The following RAI14 variants were observed in gnomAD, a reference collection of about 807,000 sequenced individuals.
The protein encoded by RAI14 is ankycorbin.
In RAI14, 45 loss-of-function variants were observed where a neutral mutation model predicts 115.4. The ratio of observed to expected loss-of-function variants is 0.39; its 90% confidence interval spans 0.31 to 0.50. The LOEUF is 0.50. Among genes scored for constraint, RAI14 ranks in the 20% least tolerant of loss-of-function variants. The pLI, the probability that RAI14 is intolerant of heterozygous loss-of-function variation, is 0.85. For missense variants in RAI14, 939 were observed against 1,131.2 expected (o/e 0.83, Z 2.44); for synonymous variants, 371 against 415.4 (o/e 0.89, Z 1.30).
chr5:34,806,753 A>AT, intron 5 of RAI14, among the ~76,000 whole-genome samples: 1 of 152,018 alleles, frequency 6.6e-6, no homozygotes. Flanking sequence ...GAAGCCAGAG[A>AT]TTTTGGCTGG....
chr5:34,746,356 C>A (rs1476401440), intron 2 of RAI14, among the ~76,000 whole-genome samples: 1 of 150,940 alleles, frequency 6.6e-6, no homozygotes, highest in Non-Finnish European at 1.5e-5. Context: ...CTGCCTGCCT[C>A]AGCCTCCCAA....
chr5:34,708,207 G>GTT (rs953677214), intron 2 of RAI14, among the ~76,000 whole-genome samples: 4 of 144,468 alleles, frequency 2.8e-5, no homozygotes, highest in Non-Finnish European at 6.1e-5. Context: ...TTGGGTTTTT[G>GTT]TTTTTTTTTT....
At chr5:34,724,509 C>T (rs1329922555) in intron 2 of RAI14, among the ~76,000 whole-genome samples, 1 of 152,068 alleles carries the variant, frequency 6.6e-6, no homozygotes, top group South Asian at 2.1e-4. Flanking sequence ...CTCCCCATGG[C>T]GTGACAGGAA....
chr5:34,777,916 A>G (rs996398657), intron 3 of RAI14, among the ~76,000 whole-genome samples: 12 of 152,302 alleles, frequency 7.9e-5, no homozygotes, highest in African/African-American at 2.4e-4. Context: ...TTAGAGCTAC[A>G]AATGAATAAA....
intron 3 of RAI14, among the ~76,000 whole-genome samples, chr5:34,775,317 G>A (rs1410798387): frequency 1.3e-5 from 2 of 152,156 alleles, no homozygotes; most frequent in South Asian, 4.1e-4. Flanking sequence ...GATCAGCAAA[G>A]AGATAACCCA....
chr5:34,762,626 G>T (rs1306625360), intron 3 of RAI14, among the ~76,000 whole-genome samples: 2 of 152,180 alleles, frequency 1.3e-5, no homozygotes, highest in African/African-American at 4.8e-5. Flanking sequence ...GAACAAAATA[G>T]AGCAGAGCCA....
At chr5:34,660,971 C>A (rs138414300) in intron 1 of RAI14, among the ~76,000 whole-genome samples, 2 of 152,144 alleles carry the variant, frequency 1.3e-5, no homozygotes, top group African/African-American at 4.8e-5. Flanking sequence ...TGTTGAGACA[C>A]CTCCTTCCAG....
intron 2 of RAI14, among the ~76,000 whole-genome samples, chr5:34,727,414 G>A (rs1343488504): frequency 3.3e-5 from 5 of 152,240 alleles, no homozygotes; most frequent in Non-Finnish European, 7.3e-5. Context: ...ATTCAAGTCT[G>A]TTGTAGAAAT....
At chr5:34,729,777 A>G (rs1743947368) in intron 2 of RAI14, among the ~76,000 whole-genome samples, 1 of 152,196 alleles carries the variant, frequency 6.6e-6, no homozygotes, top group Admixed American at 6.5e-5. Context: ...ATAAATTAAG[A>G]GACTCATGAG....
Position 34,660,613 on chromosome 5 carries a change from G to A in RAI14, c.-49+4138G>A, listed in dbSNP as rs79683193. Among the ~76,000 whole-genome samples the A allele has an allele frequency of 7.7e-4, 117 of 152,230 alleles. 1 individual carries two copies. The highest frequency in any genetic ancestry group is 2.8e-3 in the African/African-American group (116 of 41,524). On this transcript the variant is annotated intron_variant, in intron 1 of 17. Transcript: ENST00000265109. The stretch of plus-strand genomic sequence containing the variant: ...CTCATTTCTTTGGTAAGATTAAGGG[G>A]TAGGAGTAAGCATTTACAAAGGCAC...
At chr5:34,659,794 C>T (rs1479832813) in intron 1 of RAI14, among the ~76,000 whole-genome samples, 2 of 152,132 alleles carry the variant, frequency 1.3e-5, no homozygotes, top group East Asian at 3.8e-4. Context: ...TCTTGGCTAT[C>T]TGTTGACTAA....
intron 1 of RAI14, among the ~76,000 whole-genome samples, chr5:34,681,417 A>G (rs1319327849): frequency 6.6e-6 from 1 of 152,138 alleles, no homozygotes; most frequent in Non-Finnish European, 1.5e-5. Flanking sequence ...CCTGAAGTCT[A>G]TTTAGGGGCA....
intron 1 of RAI14, among the ~76,000 whole-genome samples, chr5:34,680,216 T>A (rs754855591): frequency 1.3e-5 from 2 of 152,166 alleles, no homozygotes; most frequent in African/African-American, 2.4e-5. Flanking sequence ...CTACCACCCC[T>A]ACTGTCTTAG....
At chr5:34,735,815 C>T (rs1040130412) in intron 2 of RAI14, among the ~76,000 whole-genome samples, 1 of 152,140 alleles carries the variant, frequency 6.6e-6, no homozygotes, top group African/African-American at 2.4e-5. Flanking sequence ...GAAATGGTGC[C>T]GTCATAGGAC....
At chr5:34,803,668 G>T in intron 4 of RAI14, 44 bp from the exon 5 acceptor site, 2 of 1,482,214 alleles carry the variant, frequency 1.3e-6, no homozygotes, top group East Asian at 2.4e-5. Context: ...TTTTTAAAGT[G>T]TGGCCTTTTT....
chr5:34,715,563 G>T (rs2149977981), intron 2 of RAI14, among the ~76,000 whole-genome samples: 1 of 152,202 alleles, frequency 6.6e-6, no homozygotes, highest in Non-Finnish European at 1.5e-5. Flanking sequence ...GCCCCAAAAG[G>T]CTCTTTGCCT....
In RAI14 at chr5:34,750,848, ATTTTTT is replaced by A. The variant is rs869028180; in HGVS notation, c.37-6604_37-6599del. ...GACCTTATCCTTACTTTGCTTTATC[ATTTTTT>A]TTTTTTTTTTTTTTTGAGGTGGAGT... On this transcript the variant is annotated intron_variant, in intron 2 of 17. Coordinates refer to ENST00000265109, the MANE Select transcript of RAI14 (RefSeq NM_015577.3). 9.7e-3 allele frequency among the ~76,000 whole-genome samples: 814 copies of A among 83,622 alleles called. 6 individuals carry two copies. The highest frequency in any genetic ancestry group is 0.073 in the Middle Eastern group (7 of 96). The allele number at this position is 83,622 out of a possible 152,430, so 54.9% of individuals were successfully genotyped here.
rs745968894 is a variant in RAI14 at position 34,823,023 on chromosome 5, T to G, written c.1181T>G (p.Leu394Trp). 8.7e-6 allele frequency: 14 copies of G among 1,613,876 alleles called. No individual in the cohort carries two copies. In the Admixed American group the frequency reaches 1.8e-4, roughly 21 times the overall value. ...FDSYHSTQTD[L>W]GPSLGKPGET... ...TCATACCATTCCACCCAAACTGACT[T>G]GGGCCCATCCCTGGGAAAACCTGGT... Residue 394 changes from leucine to tryptophan, a missense_variant, in exon 15 of 18, where the codon TTG becomes TGG. Coordinates refer to ENST00000265109, the MANE Select transcript of RAI14 (RefSeq NM_015577.3). The surrounding 1 kb of genome is among the most constrained non-coding windows in gnomAD (Gnocchi z 4.5).
chr5:34,776,211 A>G (rs1750814517), intron 3 of RAI14, among the ~76,000 whole-genome samples: 1 of 152,228 alleles, frequency 6.6e-6, no homozygotes, highest in Non-Finnish European at 1.5e-5. Flanking sequence ...TGTGGGAGCT[A>G]GAAATTAAAC....
Sources: gnomAD v4.1 joint callset for allele counts (sites outside exome capture counted in the v4.1 genomes callset) on GRCh38, gnomAD v4.1.1 for gene constraint, Gnocchi (gnomAD v3.1) non-coding constraint, MANE v1.5 for transcripts, NCBI Gene and HGNC (gene_info 2026-07-23, HGNC 2026-07-21) for gene names.